The following DPP6 variants were observed in gnomAD, a reference collection of about 807,000 sequenced individuals.
The protein encoded by DPP6 is dipeptidyl peptidase like 6.
In DPP6, 69 loss-of-function variants were observed where a neutral mutation model predicts 122.6. The ratio of observed to expected loss-of-function variants is 0.56; its 90% confidence interval spans 0.46 to 0.69. DPP6 has a LOEUF of 0.69. Among genes scored for constraint, DPP6 ranks in the 30% least tolerant of loss-of-function variants. The pLI is 0.00. For synonymous variants in DPP6, 418 were observed against 433.1 expected (o/e 0.97, Z 0.43); for missense variants, 928 against 1,116.9 (o/e 0.83, Z 2.41).
intron 16 of DPP6, among the ~76,000 whole-genome samples, chr7:154,845,539 G>A (rs915669461): frequency 3.3e-5 from 5 of 152,200 alleles, no homozygotes; most frequent in Admixed American, 3.3e-4. Context: ...AGGAGGGATA[G>A]CATTAGGAGA....
At chr7:154,222,256 C>T (rs62484135) in intron 1 of DPP6, among the ~76,000 whole-genome samples, 9,920 of 152,244 alleles carry the variant, frequency 0.065, 635 homozygotes, top group African/African-American at 0.16. Flanking sequence ...CAAGTCCCAC[C>T]GCCTCTGTGC....
intron 4 of DPP6, among the ~76,000 whole-genome samples, chr7:154,547,071 GT>G (rs1829255033): frequency 6.6e-6 from 1 of 152,254 alleles, no homozygotes; most frequent in East Asian, 1.9e-4. Flanking sequence ...AGCACAGGAT[GT>G]TCTGACAGGT....
chr7:154,654,749 A>G (rs1327777311), intron 6 of DPP6, among the ~76,000 whole-genome samples: 1 of 152,042 alleles, frequency 6.6e-6, no homozygotes, highest in Non-Finnish European at 1.5e-5. Flanking sequence ...AACTTCTGAT[A>G]CACCATAGAG....
At chr7:154,143,954 T>C (rs1795968176) in intron 1 of DPP6, among the ~76,000 whole-genome samples, 1 of 152,192 alleles carries the variant, frequency 6.6e-6, no homozygotes, top group Admixed American at 6.5e-5. Flanking sequence ...TATATATTTT[T>C]AATACATATG....
rs531546477 is a variant in DPP6 at position 154,036,645 on chromosome 7, G to A, written c.51+148911G>A. On this transcript the variant is annotated intron_variant, in intron 1 of 25. Coordinates refer to the DPP6 transcript ENST00000404039. Reference sequence around the variant, plus strand: ...ATTTTTGCCCTTTTTCTGGAAGTACGATTGGAAATGGGCAGCAGATGGACC... The same window carrying A: ...ATTTTTGCCCTTTTTCTGGAAGTACAATTGGAAATGGGCAGCAGATGGACC... 1.3e-3 allele frequency among the ~76,000 whole-genome samples: 194 copies of A among 151,840 alleles called. 1 individual carries two copies. The highest frequency in any genetic ancestry group is 2.1e-3 in the African/African-American group (88 of 41,252).
At chr7:153,988,686 G>A (rs530399215) in intron 1 of DPP6, among the ~76,000 whole-genome samples, 2 of 152,334 alleles carry the variant, frequency 1.3e-5, no homozygotes, top group African/African-American at 4.8e-5. Context: ...TCGATGGCAC[G>A]TCGGGGTGGG....
chr7:154,892,394 T>G lies in DPP6; in HGVS notation c.2512T>G (p.Ser838Ala). ...CAGCCTCAAACAGCATCTGTACCGGTCCATCATCAACTTCTTCGTGGAATG... is the reference window on the plus strand; with the variant it reads ...CAGCCTCAAACAGCATCTGTACCGGGCCATCATCAACTTCTTCGTGGAATG... The part of the protein sequence containing the change: ...SSSLKQHLYR[S>A]IINFFVECFR... Residue 838 changes from serine to alanine, a missense_variant, in exon 26 of 26, where the codon TCC becomes GCC. Transcript: ENST00000377770. The G allele has an allele frequency of 6.2e-7, 1 of 1,613,984 alleles. No homozygotes were observed. Among genetic ancestry groups the G allele is most frequent in the Non-Finnish European group, 8.5e-7 (1 of 1,179,894 alleles).
rs1417172655 is a variant in DPP6 at position 154,753,509 on chromosome 7, C to G, written c.884-15908C>G. 4.6e-5 allele frequency among the ~76,000 whole-genome samples: 7 copies of G among 152,282 alleles called. No homozygotes were observed. In the East Asian group the frequency reaches 1.4e-3, roughly 29 times the overall value. On this transcript the variant is annotated intron_variant, in intron 8 of 25. Transcript: ENST00000377770. ...ATGGATTTCCCCGAGCGCCACCTCT[C>G]ATTCCTCCTCTCCCATTCATGGTCA...
At chr7:153,764,200 CTT>C in the DPP6 span, among the ~76,000 whole-genome samples, 3 of 152,272 alleles carry the variant, frequency 2.0e-5, no homozygotes, top group Non-Finnish European at 4.4e-5. Context: ...CAGAGAGAAA[CTT>C]TTCCTCTCTC....
chr7:154,197,157 T>C (rs1798910988), intron 1 of DPP6, among the ~76,000 whole-genome samples: 1 of 151,888 alleles, frequency 6.6e-6, no homozygotes, highest in South Asian at 2.1e-4. Context: ...CACAGCCTGG[T>C]GAATTGCAAT....
intron 18 of DPP6, 147 bp from the exon 19 acceptor site, chr7:154,872,477 A>G: frequency 7.6e-7 from 1 of 1,309,808 alleles, no homozygotes; most frequent in Non-Finnish European, 1.0e-6. Flanking sequence ...AGTCCTCAGG[A>G]TGAAAACCCT....
intron 1 of DPP6, among the ~76,000 whole-genome samples, chr7:154,419,927 GTGTGGAAACAATGTAAACGTCCATTGAAA>G (rs1488573408): frequency 6.6e-6 from 1 of 152,180 alleles, no homozygotes; most frequent in Non-Finnish European, 1.5e-5. Flanking sequence ...GGCAGCCGAG[GTGTGGAAACAATGTAAACGTCCATTGAAA>G]TGTGGAAACA....
At chr7:154,384,831 G>A (rs145043678) in intron 1 of DPP6, among the ~76,000 whole-genome samples, 34 of 151,022 alleles carry the variant, frequency 2.3e-4, no homozygotes, top group Non-Finnish European at 1.6e-4. Context: ...CATCAGTAGT[G>A]GAATGATTAA....
At position 154,438,215 on chromosome 7, in the gene DPP6, C is replaced by T. The variant is rs554199407; in HGVS notation, c.244-7999C>T. 4.7e-3 allele frequency among the ~76,000 whole-genome samples: 712 copies of T among 152,052 alleles called. 6 individuals carry two copies. The highest frequency in any genetic ancestry group is 5.8e-3 in the Non-Finnish European group (392 of 67,958). Reference sequence around the variant, plus strand: ...GGGCACTGTGGCAAATGCCTGTAATCCCAGAACTTTGGGAGGCCAAGGAGG... The same window carrying T: ...GGGCACTGTGGCAAATGCCTGTAATTCCAGAACTTTGGGAGGCCAAGGAGG... On this transcript the variant is annotated intron_variant, in intron 1 of 25. Coordinates refer to ENST00000377770, the MANE Select transcript of DPP6 (RefSeq NM_130797.4).
chr7:154,643,993 G>C (rs776762127), intron 6 of DPP6, among the ~76,000 whole-genome samples: 1 of 152,198 alleles, frequency 6.6e-6, no homozygotes, highest in Non-Finnish European at 1.5e-5. Flanking sequence ...TGCCCTGCCA[G>C]GCTGCTGCTG....
intron 3 of DPP6, among the ~76,000 whole-genome samples, chr7:154,510,131 T>C (rs990507991): frequency 7.2e-5 from 11 of 152,122 alleles, no homozygotes; most frequent in Non-Finnish European, 4.4e-5. Flanking sequence ...TGAAAGGTAA[T>C]ATATGCATTA....
chr7:154,178,503 GA>G (rs1044080208), intron 1 of DPP6, among the ~76,000 whole-genome samples: 12 of 139,188 alleles, frequency 8.6e-5, no homozygotes, highest in Non-Finnish European at 1.4e-4. Context: ...GGGATTCTTG[GA>G]AAAAAAAATC....
the DPP6 span, among the ~76,000 whole-genome samples, chr7:153,752,898 A>C: frequency 6.6e-6 from 1 of 151,528 alleles, no homozygotes; most frequent in African/African-American, 2.4e-5. Flanking sequence ...ACACATCTGG[A>C]AAAGGGGAAT....
In DPP6 at chr7:154,243,881, T is replaced by TA. The variant is rs571948233; in HGVS notation, c.243+190828dup. Among the ~76,000 whole-genome samples the TA allele has an allele frequency of 2.3e-3, 342 of 149,040 alleles. 1 individual carries two copies. Among genetic ancestry groups the TA allele is most frequent in the Non-Finnish European group, 3.7e-3 (251 of 67,110 alleles). Reference sequence around the variant, plus strand: ...ATTATTTGACCTGAAAAGCAGAGATTAAAAAAAAAATCAAACAAACCGTAT... The same window carrying TA: ...ATTATTTGACCTGAAAAGCAGAGATTAAAAAAAAAAATCAAACAAACCGTAT... On this transcript the variant is annotated intron_variant, in intron 1 of 25. Transcript: ENST00000377770.
Sources: allele counts gnomAD v4.1 joint callset (sites outside exome capture counted in the v4.1 genomes callset), GRCh38; gene constraint gnomAD v4.1.1; transcripts MANE v1.5; gene names NCBI Gene and HGNC (gene_info 2026-07-23, HGNC 2026-07-21).